Variants in HDAC4 observed in about 807,000 individuals in gnomAD.
HDAC4 encodes the protein histone deacetylase 4.
In HDAC4, 16 loss-of-function variants were observed where a neutral mutation model predicts 135.1. The ratio of observed to expected loss-of-function variants is 0.12; its 90% CI spans 0.08 to 0.18. HDAC4 has a LOEUF of 0.18. Among genes scored for constraint, HDAC4 ranks in the 10% least tolerant of loss-of-function variants. HDAC4 has a pLI of 1.00. For synonymous variants in HDAC4, 685 were observed against 653.4 expected (o/e 1.05, Z -0.74); for missense variants, 1,143 against 1,511.8 (o/e 0.76, Z 4.05).
chr2:239,189,629 A>G (rs1329700421), intron 4 of HDAC4, among the ~76,000 whole-genome samples: 1 of 152,134 alleles, frequency 6.6e-6, no homozygotes, highest in African/African-American at 2.4e-5. Flanking sequence ...CGCCGTTCCC[A>G]CTCAGCACCA....
At chr2:239,080,225 G>A (rs528168302) in intron 22 of HDAC4, among the ~76,000 whole-genome samples, 3 of 152,288 alleles carry the variant, frequency 2.0e-5, no homozygotes, top group East Asian at 1.9e-4. Flanking sequence ...GTCTGCACAC[G>A]TGCGTTTTAT....
chr2:239,375,140 C>G (rs1467482799), intron 1 of HDAC4, among the ~76,000 whole-genome samples: 1 of 152,186 alleles, frequency 6.6e-6, no homozygotes, highest in Non-Finnish European at 1.5e-5. Context: ...GTGAAGAACA[C>G]TGACATTGGG....
Position 239,053,031 on chromosome 2 carries a change from A to G in HDAC4, c.*66T>C. 24 of 1,593,026 alleles carry G rather than the reference A, an allele frequency of 1.5e-5. No individual in the cohort carries two copies. Among genetic ancestry groups the G allele is most frequent in the Non-Finnish European group, 1.9e-5 (22 of 1,160,812 alleles). Reference sequence around the variant, plus strand: ...CGGTGGGACGCAGGCGTGACACGGGAAAGTTTCTTGGCTGAGCTTCAAGAC... The same window carrying G: ...CGGTGGGACGCAGGCGTGACACGGGGAAGTTTCTTGGCTGAGCTTCAAGAC... On this transcript the variant is annotated 3_prime_UTR_variant, in exon 27 of 27. Coordinates refer to ENST00000543185, the MANE Select transcript of HDAC4 (RefSeq NM_001378414.1).
intron 22 of HDAC4, among the ~76,000 whole-genome samples, chr2:239,074,213 A>T (rs978776130): frequency 6.6e-6 from 1 of 152,236 alleles, no homozygotes; most frequent in Non-Finnish European, 1.5e-5. Context: ...GGACAGAAAA[A>T]CACATTTCCA....
intron 2 of HDAC4, among the ~76,000 whole-genome samples, chr2:239,318,789 G>GA (rs1250649039): frequency 6.6e-6 from 1 of 151,600 alleles, no homozygotes; most frequent in African/African-American, 2.4e-5. Context: ...AAGTTAAAAA[G>GA]AAAAAAGTTA....
At chr2:239,395,399 C>T (rs553939775) in intron 1 of HDAC4, among the ~76,000 whole-genome samples, 2 of 152,354 alleles carry the variant, frequency 1.3e-5, no homozygotes, top group African/African-American at 2.4e-5. Flanking sequence ...CCCCGAGGGT[C>T]AGTCCCCACC....
chr2:239,301,195 C>T (rs2052236319), intron 2 of HDAC4, among the ~76,000 whole-genome samples: 2 of 152,224 alleles, frequency 1.3e-5, no homozygotes, highest in African/African-American at 4.8e-5. Flanking sequence ...CAGAAGGCCC[C>T]TTCTGGAAGG....
intron 2 of HDAC4, chr2:239,298,071 TGGG>T: frequency 1.6e-5 from 9 of 568,198 alleles, no homozygotes; most frequent in Non-Finnish European, 2.7e-5. Context: ...CTGTGTGTCA[TGGG>T]TCTTTAGGGT....
At chr2:239,122,564 G>A (rs951884403) in intron 12 of HDAC4, among the ~76,000 whole-genome samples, 1 of 152,226 alleles carries the variant, frequency 6.6e-6, no homozygotes, top group Non-Finnish European at 1.5e-5. Context: ...AGCTGACACA[G>A]TTGGAAAACA....
At chr2:239,187,339 G>C (rs146234861) in intron 4 of HDAC4, among the ~76,000 whole-genome samples, 2 of 152,272 alleles carry the variant, frequency 1.3e-5, no homozygotes, top group African/African-American at 4.8e-5. Flanking sequence ...AAGGAGCTAC[G>C]GTACTCATTT....
rs148397687 is a variant in HDAC4, at chr2:239,236,885, T to C, written c.23-221A>G. Among the ~76,000 whole-genome samples, 6 of 152,296 alleles carry C rather than the reference T, an allele frequency of 3.9e-5. No individual in the cohort carries two copies. In the East Asian group the frequency reaches 1.2e-3, roughly 29 times the overall value. On this transcript the variant is annotated intron_variant, in intron 2 of 26. Coordinates refer to ENST00000543185, the MANE Select transcript of HDAC4 (RefSeq NM_001378414.1). ...CTGAGATATGGCAAACGCCCGTTTC[T>C]GGCCTAAGAGCCACTGGCTTAGCAA... is the stretch of plus-strand genomic sequence containing the variant.
At chr2:239,362,137 G>A (rs1006861954) in intron 1 of HDAC4, among the ~76,000 whole-genome samples, 5 of 152,212 alleles carry the variant, frequency 3.3e-5, no homozygotes, top group African/African-American at 4.8e-5. Context: ...CACAGAGCCT[G>A]TGATTTTAAT....
At chr2:239,390,230 T>C (rs908224617) in intron 1 of HDAC4, among the ~76,000 whole-genome samples, 5 of 152,152 alleles carry the variant, frequency 3.3e-5, no homozygotes, top group African/African-American at 1.2e-4. Flanking sequence ...ACCTCCCTGC[T>C]CAATACCTCC....
intron 24 of HDAC4, among the ~76,000 whole-genome samples, chr2:239,066,322 C>T (rs1344420134): frequency 5.3e-5 from 8 of 152,162 alleles, no homozygotes; most frequent in African/African-American, 1.7e-4. Context: ...GGGCCACTGA[C>T]CGAAACCCAC....
Position 239,054,873 on chromosome 2 carries a change from A to G in HDAC4, c.3004-40T>C, listed in dbSNP as rs374055796. On this transcript the variant is annotated intron_variant, in intron 24 of 26. Coordinates refer to ENST00000543185, the MANE Select transcript of HDAC4 (RefSeq NM_001378414.1). ...ATAAGAATATAAAGACTGCCAATAT[A>G]ATCCACACGTGCGTTAGACGGGTGT... is the stretch of plus-strand genomic sequence containing the variant. The G allele has an allele frequency of 4.3e-4, 571 of 1,329,670 alleles. 5 individuals are homozygous for G. The highest frequency in any genetic ancestry group is 7.5e-5 in the Non-Finnish European group (69 of 920,736). The allele number at this position is 1,329,670 out of a possible 1,614,324, so 82.4% of individuals were successfully genotyped here. A position where few individuals can be genotyped will look rare whatever the true frequency, so the allele number is the denominator to read the frequency against.
rs1245382037 is a variant in HDAC4 at position 239,309,652 on chromosome 2, G to A, written c.22+43026C>T. On this transcript the variant is annotated intron_variant, in intron 2 of 26. Transcript: ENST00000543185. The surrounding 1 kb of genome is among the most constrained non-coding windows in gnomAD (Gnocchi z 4.2). ...CAGCGAGGGGCCCAGGGAGAAGATGGAGGTCAAGTCATAGGGCCTCCACCG... is the reference window on the plus strand; with the variant it reads ...CAGCGAGGGGCCCAGGGAGAAGATGAAGGTCAAGTCATAGGGCCTCCACCG... Among the ~76,000 whole-genome samples, 1 of 152,248 alleles carries A rather than the reference G, an allele frequency of 6.6e-6. No individual in the cohort carries two copies. The highest frequency in any genetic ancestry group is 1.9e-4 in the East Asian group (1 of 5,194).
At chr2:239,179,195 G>A (rs1039025299) in intron 4 of HDAC4, among the ~76,000 whole-genome samples, 4 of 152,228 alleles carry the variant, frequency 2.6e-5, no homozygotes, top group East Asian at 1.9e-4. Flanking sequence ...GAGTGGCTGC[G>A]CTGGCACAGC....
chr2:239,099,347 C>T (rs1485771931), intron 16 of HDAC4, among the ~76,000 whole-genome samples: 2 of 152,240 alleles, frequency 1.3e-5, no homozygotes, highest in East Asian at 1.9e-4. Context: ...GTGCAGGACA[C>T]GGCCTGATGA....
At chr2:239,401,541 G>A, upstream of HDAC4, 1 of 209,564 alleles carries the variant, frequency 4.8e-6, no homozygotes, top group Non-Finnish European at 9.6e-6. Context: ...CTAGCGGTCA[G>A]CACCGCATGT....
Sources: gnomAD v4.1 joint callset for allele counts (sites outside exome capture counted in the v4.1 genomes callset) on GRCh38, gnomAD v4.1.1 for gene constraint, Gnocchi (gnomAD v3.1) non-coding constraint, MANE v1.5 for transcripts, NCBI Gene and HGNC (gene_info 2026-07-23, HGNC 2026-07-21) for gene names.